LAMA4: variants seen among roughly 807,000 people sequenced by gnomAD.
LAMA4 encodes laminin subunit alpha-4.
A neutral mutation model predicts 207.1 loss-of-function variants in LAMA4; 127 were observed. The ratio of observed to expected loss-of-function variants is 0.61; its 90% CI spans 0.53 to 0.71. The LOEUF (loss-of-function observed/expected upper bound fraction) is 0.71. Ranked by LOEUF, LAMA4 falls within the 30% of genes least tolerant of loss-of-function variation. The pLI, the probability that LAMA4 is intolerant of heterozygous loss-of-function variation, is 0.00. For synonymous variants in LAMA4, 761 were observed against 816.0 expected, an observed-to-expected ratio of 0.93 and a Z score of 1.15; for missense variants, 2,093 against 2,246.5, an observed-to-expected ratio of 0.93 and a Z score of 1.38.
chr6:112,111,118 A>G (rs913234418), intron 38 of LAMA4, among the ~76,000 whole-genome samples: 11 of 152,104 alleles, frequency 7.2e-5, no homozygotes, highest in African/African-American at 2.7e-4. Context: ...TGTGCTCACT[A>G]TAGTCTCCAG....
chr6:112,208,647 A>G (rs577823589), intron 3 of LAMA4, among the ~76,000 whole-genome samples: 1 of 152,346 alleles, frequency 6.6e-6, no homozygotes, highest in African/African-American at 2.4e-5. Flanking sequence ...AACAAACAGT[A>G]GTAAAATGAA....
In LAMA4 at chr6:112,189,148, CCTT is replaced by C. The variant is rs782474127; in HGVS notation, c.773_775del (p.Glu258del). On this transcript the variant is annotated inframe_deletion, in exon 7 of 39. Coordinates refer to ENST00000230538, the MANE Select transcript of LAMA4 (RefSeq NM_001105206.3). The stretch of plus-strand genomic sequence containing the variant: ...GTCCATGCCTGTAGGGGGTTCAAAA[CCTT>C]CTTCCAAGCATTCTCCGGTTACACT... 9 of 1,613,954 alleles carry C rather than the reference CCTT, an allele frequency of 5.6e-6. No homozygotes were observed. Among genetic ancestry groups the C allele is most frequent in the Non-Finnish European group, 6.8e-6 (8 of 1,179,972 alleles).
At chr6:112,175,257 G>T in intron 11 of LAMA4, 56 bp downstream of exon 11, 1 of 1,547,722 alleles carries the variant, frequency 6.5e-7, no homozygotes, top group Non-Finnish European at 8.9e-7. Context: ...GTCTGCTATT[G>T]GACCCACAAA....
At chr6:112,111,736 G>A (rs1777708078) in intron 38 of LAMA4, among the ~76,000 whole-genome samples, 1 of 152,222 alleles carries the variant, frequency 6.6e-6, no homozygotes, top group South Asian at 2.1e-4. Context: ...GCTAGCTCCT[G>A]TGCTGGCTCA....
intron 2 of LAMA4, among the ~76,000 whole-genome samples, chr6:112,231,106 T>C (rs1358554360): frequency 6.6e-6 from 1 of 152,214 alleles, no homozygotes; most frequent in Admixed American, 6.5e-5. Flanking sequence ...TCTCTGCCTT[T>C]CCCTGGAATA....
At chr6:112,189,289 T>A in intron 6 of LAMA4, 84 bp from the exon 7 acceptor site, 1 of 867,662 alleles carries the variant, frequency 1.2e-6, no homozygotes, top group East Asian at 2.5e-5. Flanking sequence ...CTAGAAACAC[T>A]AGCTATCAGT....
At chr6:112,129,815 T>C in intron 30 of LAMA4, 61 bp downstream of exon 30, 1 of 1,272,640 alleles carries the variant, frequency 7.9e-7, no homozygotes, top group Non-Finnish European at 1.1e-6. Context: ...TTAATATTTT[T>C]GCTGTTGTCT....
intron 2 of LAMA4, among the ~76,000 whole-genome samples, chr6:112,230,465 T>C (rs952225071): frequency 5.9e-5 from 9 of 152,224 alleles, no homozygotes; most frequent in African/African-American, 1.9e-4. Flanking sequence ...GGTTTCCCTT[T>C]CTGAAAAAAT....
At chr6:112,204,813 T>C (rs6939619) in intron 4 of LAMA4, among the ~76,000 whole-genome samples, 8,351 of 152,206 alleles carry the variant, frequency 0.055, 720 homozygotes, top group African/African-American at 0.19. Context: ...CTTTTGCACA[T>C]GTTATTAATA....
At chr6:112,221,672 A>G (rs1784932501) in intron 2 of LAMA4, among the ~76,000 whole-genome samples, 2 of 152,218 alleles carry the variant, frequency 1.3e-5, no homozygotes, top group South Asian at 4.1e-4. Flanking sequence ...AAATAATAAA[A>G]GTCAGCTTAA....
intron 16 of LAMA4, among the ~76,000 whole-genome samples, chr6:112,152,130 T>C (rs1780439315): frequency 6.6e-6 from 1 of 152,108 alleles, no homozygotes; most frequent in Non-Finnish European, 1.5e-5. Context: ...AATATCCTTA[T>C]GTGATTCAAG....
chr6:112,179,779 G>T, intron 9 of LAMA4: 1 of 311,140 alleles, frequency 3.2e-6, no homozygotes, highest in Non-Finnish European at 6.6e-6. Context: ...TATTGGAGAA[G>T]GGTAATCCCC....
At chr6:112,250,702 T>C (rs1554189612) in intron 2 of LAMA4, among the ~76,000 whole-genome samples, 2 of 152,216 alleles carry the variant, frequency 1.3e-5, no homozygotes, top group Non-Finnish European at 1.5e-5. Context: ...TCTCAGTCTC[T>C]GTGTGGCTTC....
At chr6:112,131,681 A>T (rs1554329849) in intron 28 of LAMA4, among the ~76,000 whole-genome samples, 2 of 152,134 alleles carry the variant, frequency 1.3e-5, no homozygotes, top group Non-Finnish European at 2.9e-5. Context: ...TATGGGCAAA[A>T]AGTGTTATTT....
At chr6:112,123,447 GAGGGTTTTT>G (rs1778493315) in intron 31 of LAMA4, among the ~76,000 whole-genome samples, 1 of 152,138 alleles carries the variant, frequency 6.6e-6, no homozygotes, top group Non-Finnish European at 1.5e-5. Context: ...GGAAATCTAG[GAGGGTTTTT>G]ACTGGCAGAA....
intron 2 of LAMA4, among the ~76,000 whole-genome samples, chr6:112,228,539 G>A (rs1785359359): frequency 1.3e-5 from 2 of 152,174 alleles, no homozygotes; most frequent in South Asian, 4.1e-4. Context: ...TTGTGGGCAG[G>A]TTAAGGGAGC....
chr6:112,165,192 G>T lies in LAMA4; in HGVS notation c.1636C>A (p.Leu546Ile). 1.2e-6 allele frequency: 2 copies of T among 1,611,512 alleles called. No individual in the cohort carries two copies. Among genetic ancestry groups the T allele is most frequent in the Non-Finnish European group, 1.7e-6 (2 of 1,177,606 alleles). Residue 546 changes from leucine to isoleucine, a missense_variant, in exon 13 of 39, where the codon CTA becomes ATA. Physicochemically the swap from Leu to Ile is conservative, Grantham distance 5. Coordinates refer to ENST00000230538, the MANE Select transcript of LAMA4 (RefSeq NM_001105206.3). ...TSADSLTTPR[L>I]TLSELDDIIK... ...ATATCATCAAGTTCTGAAAGAGTTA[G>T]ACGAGGTGTTGTCAGAGAGTCCGCA...
intron 31 of LAMA4, among the ~76,000 whole-genome samples, chr6:112,124,975 T>C (rs1778601674): frequency 6.6e-6 from 1 of 152,196 alleles, no homozygotes; most frequent in Non-Finnish European, 1.5e-5. Context: ...CAGGCTGGTC[T>C]CGATCTCCTG....
intron 29 of LAMA4, 39 bp from the exon 30 acceptor site, chr6:112,130,079 A>G: frequency 6.3e-7 from 1 of 1,584,856 alleles, no homozygotes; most frequent in Admixed American, 1.7e-5. Flanking sequence ...CCACAGAGCT[A>G]GCATTTTACC....
Sources: allele counts gnomAD v4.1 joint callset (sites outside exome capture counted in the v4.1 genomes callset), GRCh38; gene constraint gnomAD v4.1.1; transcripts MANE v1.5; gene names NCBI Gene and HGNC (gene_info 2026-07-23, HGNC 2026-07-21).